SNX25: variants seen among roughly 807,000 people sequenced by gnomAD.
SNX25 encodes the protein sorting nexin 25.
In SNX25, 62 loss-of-function variants were observed where a neutral mutation model predicts 113.7. The observed-to-expected ratio is 0.55, with a 90% CI of 0.44 to 0.67. The LOEUF (loss-of-function observed/expected upper bound fraction) is 0.67. SNX25 is among the 30% of genes least tolerant of loss of function. The pLI is 0.00. For missense variants in SNX25, 1,014 were observed against 1,161.0 expected (o/e 0.87, Z 1.84); for synonymous variants, 421 against 436.2 (o/e 0.97, Z 0.43).
At position 185,264,503 on chromosome 4, in the gene SNX25, G is replaced by A; in HGVS notation, c.797G>A (p.Arg266Lys). The A allele has an allele frequency of 6.2e-7, 1 of 1,613,998 alleles. No homozygotes were observed. The highest frequency in any genetic ancestry group is 8.5e-7 in the Non-Finnish European group (1 of 1,179,962). ...ACLRNSDDEV[R>K]FLQTCSRVLV... is the part of the protein sequence containing the mutation. Reference sequence around the variant, plus strand: ...TTGAGGAACTCAGATGATGAAGTAAGATTTCTACAAACGTGTTCTCGGGTT... The same window carrying A: ...TTGAGGAACTCAGATGATGAAGTAAAATTTCTACAAACGTGTTCTCGGGTT... Residue 266 changes from arginine (R) to lysine (K), a missense_variant, in exon 4 of 19, where the codon AGA becomes AAA. Coordinates refer to ENST00000652585, the MANE Select transcript of SNX25 (RefSeq NM_001378034.2).
intron 2 of SNX25, among the ~76,000 whole-genome samples, chr4:185,254,616 G>A (rs780191308): frequency 2.6e-5 from 4 of 152,136 alleles, no homozygotes; most frequent in African/African-American, 4.8e-5. Context: ...AGACTAACGC[G>A]GGAGCCTTTT....
chr4:185,374,830 G>A (rs2095427743), downstream of SNX25, among the ~76,000 whole-genome samples: 1 of 152,064 alleles, frequency 6.6e-6, no homozygotes, highest in South Asian at 2.1e-4. Context: ...TGGAAGAATG[G>A]CCAGGAACAG....
intron 2 of SNX25, 87 bp from the exon 3 acceptor site, chr4:185,258,761 A>C: frequency 2.0e-6 from 2 of 997,860 alleles, no homozygotes; most frequent in Non-Finnish European, 3.1e-6. Flanking sequence ...AATATTAAAT[A>C]GTAGGTGGCC....
At chr4:185,242,593 G>A (rs1235779950) in intron 1 of SNX25, among the ~76,000 whole-genome samples, 2 of 152,248 alleles carry the variant, frequency 1.3e-5, no homozygotes, top group Admixed American at 1.3e-4. Context: ...GGGGAGGGGT[G>A]CGGAGCTTTC....
Position 185,264,516 on chromosome 4 carries a change from G to C in SNX25, c.810G>C (p.Thr270=). ...NSDDEVRFLQ[T]CSRVLVFCLL... Reference sequence around the variant, plus strand: ...ATGATGAAGTAAGATTTCTACAAACGTGTTCTCGGGTTCTGGTGTTTTGTC... The same window carrying C: ...ATGATGAAGTAAGATTTCTACAAACCTGTTCTCGGGTTCTGGTGTTTTGTC... Residue 270 remains threonine (T), a synonymous_variant, in exon 4 of 19, where the codon ACG becomes ACC. Transcript: ENST00000652585. 6.2e-7 allele frequency: 1 copy of C among 1,614,016 alleles called. No individual in the cohort carries two copies. The highest frequency in any genetic ancestry group is 8.5e-7 in the Non-Finnish European group (1 of 1,179,940).
intron 5 of SNX25, among the ~76,000 whole-genome samples, chr4:185,280,960 T>C (rs1056126358): frequency 1.3e-5 from 2 of 152,204 alleles, no homozygotes; most frequent in East Asian, 3.8e-4. Flanking sequence ...ATTGACCGCT[T>C]TACACAGCCC....
At chr4:185,378,072 G>T in the SNX25 span, 8 of 1,604,574 alleles carry the variant, frequency 5.0e-6, no homozygotes, top group Non-Finnish European at 6.0e-6. Context: ...TAAATATCAG[G>T]ATTTGTACCA....
At chr4:185,261,931 T>G (rs987681944) in intron 3 of SNX25, among the ~76,000 whole-genome samples, 2 of 152,218 alleles carry the variant, frequency 1.3e-5, no homozygotes, top group African/African-American at 4.8e-5. Flanking sequence ...GAACTAATAT[T>G]GTCTAATATT....
intron 6 of SNX25, among the ~76,000 whole-genome samples, chr4:185,293,612 CATTAT>C (rs1560977984): frequency 6.6e-6 from 1 of 152,098 alleles, no homozygotes; most frequent in Non-Finnish European, 1.5e-5. Flanking sequence ...GTAGTATTTA[CATTAT>C]ATTTTTTATT....
chr4:185,300,074 G>C (rs1347041197), intron 6 of SNX25, among the ~76,000 whole-genome samples: 3 of 152,182 alleles, frequency 2.0e-5, no homozygotes, highest in African/African-American at 2.4e-5. Context: ...AATTAGAACT[G>C]TAGAATATGT....
chr4:185,316,491 T>A (rs2095075477), intron 7 of SNX25, among the ~76,000 whole-genome samples: 1 of 152,116 alleles, frequency 6.6e-6, no homozygotes, highest in Non-Finnish European at 1.5e-5. Context: ...AAACAAAAAG[T>A]CTGTGTTGCC....
intron 1 of SNX25, among the ~76,000 whole-genome samples, chr4:185,236,701 A>G (rs1264526715): frequency 6.6e-6 from 1 of 152,174 alleles, no homozygotes; most frequent in African/African-American, 2.4e-5. Context: ...CATGATCCCA[A>G]TTTCTTTTAA....
chr4:185,272,772 C>T (rs1749126930), intron 5 of SNX25, among the ~76,000 whole-genome samples: 1 of 152,172 alleles, frequency 6.6e-6, no homozygotes. Flanking sequence ...TATATGGAAA[C>T]TCTGTTGAGG....
Position 185,342,008 on chromosome 4 carries a change from T to C in SNX25, c.2079T>C (p.Cys693=). Residue 693 remains cysteine (C), a synonymous_variant, in exon 12 of 19, where the codon TGT becomes TGC. Coordinates refer to ENST00000652585, the MANE Select transcript of SNX25 (RefSeq NM_001378034.2). ...AAGAGAATGGTGAGCAATTGCCATG[T>C]TACTTTGTCATGGTAAGCCTACAAG... is the stretch of plus-strand genomic sequence containing the variant. ...VTEENGEQLP[C]YFVMVSLQEV... The C allele has an allele frequency of 6.2e-7, 1 of 1,609,112 alleles. No individual in the cohort carries two copies. Among genetic ancestry groups the C allele is most frequent in the Non-Finnish European group, 8.5e-7 (1 of 1,178,326 alleles).
intron 9 of SNX25, among the ~76,000 whole-genome samples, chr4:185,329,352 G>C (rs943891473): frequency 3.3e-5 from 5 of 152,180 alleles, no homozygotes; most frequent in Admixed American, 3.3e-4. Flanking sequence ...ATGTGGGATT[G>C]TTTGGCATCC....
At chr4:185,295,375 A>G (rs1017739789) in intron 6 of SNX25, among the ~76,000 whole-genome samples, 1 of 151,986 alleles carries the variant, frequency 6.6e-6, no homozygotes, top group Non-Finnish European at 1.5e-5. Flanking sequence ...TAGGAACTGT[A>G]TTTGTGAATG....
chr4:185,308,699 A>T, intron 6 of SNX25, among the ~76,000 whole-genome samples: 1 of 152,144 alleles, frequency 6.6e-6, no homozygotes, highest in South Asian at 2.1e-4. Context: ...ATAAACACCT[A>T]CTTTTATGAG....
rs545911912 is a variant in SNX25 at position 185,258,460 on chromosome 4, A to G, written c.515-388A>G. Among the ~76,000 whole-genome samples the G allele has an allele frequency of 1.2e-4, 18 of 152,320 alleles. No individual in the cohort carries two copies. In the East Asian group the frequency reaches 3.3e-3, roughly 28 times the overall value. On this transcript the variant is annotated intron_variant, in intron 2 of 18. Coordinates refer to ENST00000652585, the MANE Select transcript of SNX25 (RefSeq NM_001378034.2). ...GAAACTGACGGTGTTTGCAGGGCCC[A>G]GCTCCAGTATCATAAAGCAGGGCAA...
intron 1 of SNX25, among the ~76,000 whole-genome samples, chr4:185,217,912 A>G (rs1739130844): frequency 1.3e-5 from 2 of 152,216 alleles, no homozygotes. Context: ...AAAAGATTGC[A>G]AACTCAGAAC....
Sources: gnomAD v4.1 joint callset for allele counts (sites outside exome capture counted in the v4.1 genomes callset) on GRCh38, gnomAD v4.1.1 for gene constraint, MANE v1.5 for transcripts, NCBI Gene and HGNC (gene_info 2026-07-23, HGNC 2026-07-21) for gene names.